Variants in PTCH2 observed in about 807,000 individuals in gnomAD.
PTCH2 encodes patched 2.
Under a neutral mutation model 117.9 loss-of-function variants are expected in PTCH2, and 96 were observed. The observed-to-expected ratio is 0.81, with a 90% CI of 0.69 to 0.96. The LOEUF (loss-of-function observed/expected upper bound fraction) is 0.96. Among genes scored for constraint, PTCH2 ranks in the 50% least tolerant of loss-of-function variants. PTCH2 has a pLI of 0.00. For missense variants in PTCH2, 1,379 were observed against 1,562.5 expected (o/e 0.88, Z 1.98); for synonymous variants, 615 against 660.9 (o/e 0.93, Z 1.06).
rs936212710 is a variant in PTCH2 at position 44,823,104 on chromosome 1, G to A, written c.3322C>T (p.Pro1108Ser). The A allele has an allele frequency of 1.2e-6, 2 of 1,613,766 alleles. No homozygotes were observed. Among genetic ancestry groups the A allele is most frequent in the African/African-American group, 2.7e-5 (2 of 74,910 alleles). The change falls in exon 21 of 22, where the codon CCT becomes TCT. Residue 1108 changes from proline (P) to serine (S), a missense_variant. Coordinates refer to ENST00000372192, the MANE Select transcript of PTCH2 (RefSeq NM_003738.5). The surrounding 1 kb of genome is among the most constrained non-coding windows in gnomAD (Gnocchi z 5.1). ...LGLLHGLVLL[P>S]VLLSILGPPP... ...GGGCCCAGGATGGACAGCAGCACAG[G>A]CAGCAGCACGAGTCCATGGAGGAGG... is the stretch of plus-strand genomic sequence containing the variant.
chr1:44,831,935 C>A lies in PTCH2; in HGVS notation c.525+40G>T, dbSNP rs1168899991. The A allele has an allele frequency of 1.9e-6, 3 of 1,585,386 alleles. No individual in the cohort carries two copies. The highest frequency in any genetic ancestry group is 1.7e-5 in the Admixed American group (1 of 59,954). ...TCGGTCTCTGAGTCCTCCCACGCTA[C>A]AGAAAAAGTTCTGCCTCTACTCCCT... On this transcript the variant is annotated intron_variant, in intron 4 of 21. Transcript: ENST00000372192. This position sits in a 1 kb window ranked among gnomAD's most constrained non-coding sequence, Gnocchi z 4.3.
chr1:44,822,826 T>C (rs1025032919), intron 21 of PTCH2, among the ~76,000 whole-genome samples, 157 bp from the exon 22 acceptor site: 3 of 152,138 alleles, frequency 2.0e-5, no homozygotes, highest in African/African-American at 7.2e-5. Flanking sequence ...TGTTGAGGCC[T>C]GGGGCAAACC....
At chr1:44,819,851 G>A (rs530908612), downstream of PTCH2, 15 of 153,100 alleles carry the variant, frequency 9.8e-5, no homozygotes, top group African/African-American at 1.4e-4. Context: ...TTCCTTGGTT[G>A]TAGTTGCCTA....
At position 44,822,389 on chromosome 1, in the gene PTCH2, A is replaced by G. The variant is rs372938290; in HGVS notation, c.*26T>C. 7.4e-6 allele frequency: 12 copies of G among 1,613,038 alleles called. No individual in the cohort carries two copies. Among genetic ancestry groups the G allele is most frequent in the Non-Finnish European group, 1.0e-5 (12 of 1,180,010 alleles). On this transcript the variant is annotated 3_prime_UTR_variant, in exon 22 of 22. Coordinates refer to ENST00000372192, the MANE Select transcript of PTCH2 (RefSeq NM_003738.5). Reference sequence around the variant, plus strand: ...CCCAGTGACCCCACACGCCCCACACATGGTCTCTGTGCTTCAGCTGCTCTT... The same window carrying G: ...CCCAGTGACCCCACACGCCCCACACGTGGTCTCTGTGCTTCAGCTGCTCTT...
intron 2 of PTCH2, among the ~76,000 whole-genome samples, chr1:44,837,627 T>C (rs1653744859): frequency 6.6e-6 from 1 of 152,184 alleles, no homozygotes; most frequent in African/African-American, 2.4e-5. Flanking sequence ...CTTGAATTCC[T>C]GGGCTCAGTC....
At position 44,843,048 on chromosome 1, in the gene PTCH2, A is replaced by C; in HGVS notation, c.-116T>G. On this transcript the variant is annotated 5_prime_UTR_variant, in exon 1 of 22. Coordinates refer to ENST00000372192, the MANE Select transcript of PTCH2 (RefSeq NM_003738.5). ...CGCGTAGGGATTCAGTGGGGCCGCC[A>C]AGGCGCGGGCGTGGGAGAGACTGTG... 4 of 1,425,440 alleles carry C rather than the reference A, an allele frequency of 2.8e-6. No individual in the cohort carries two copies. The highest frequency in any genetic ancestry group is 2.7e-6 in the Non-Finnish European group (3 of 1,093,504). 88.3% of individuals were successfully genotyped at this position (1,425,440 alleles called of 1,614,324 possible).
rs367706281 is a variant in PTCH2 at position 44,831,813 on chromosome 1, C to T, written c.526-16G>A. 2.8e-4 allele frequency: 458 copies of T among 1,610,682 alleles called. No homozygotes were observed. The highest frequency in any genetic ancestry group is 3.6e-4 in the Non-Finnish European group (430 of 1,178,090). On this transcript the variant is annotated splice_polypyrimidine_tract_variant and intron_variant, in intron 4 of 21. Coordinates refer to ENST00000372192, the MANE Select transcript of PTCH2 (RefSeq NM_003738.5). The surrounding 1 kb of genome is among the most constrained non-coding windows in gnomAD (Gnocchi z 4.3). ...TCTCAATCATCTGCCAGGGATACCC[C>T]GGGCCACGTCAGTCCTGCCCCACAA...
chr1:44,828,572 G>A lies in PTCH2; in HGVS notation c.1524C>T (p.Asn508=). ...TGTSVVLTSI[N]NMAAFLMAAL... ...CAGCCATGAGGAAGGCGGCCATGTT[G>A]TTGATGGATGTGAGTACGACACTGG... The change falls in exon 12 of 22, where the codon AAC becomes AAT. Residue 508 remains asparagine (N), a synonymous_variant. Transcript: ENST00000372192. The A allele has an allele frequency of 1.2e-6, 2 of 1,614,046 alleles. No homozygotes were observed. Among genetic ancestry groups the A allele is most frequent in the Non-Finnish European group, 1.7e-6 (2 of 1,179,960 alleles).
chr1:44,841,202 C>CCA (rs1553166357), intron 2 of PTCH2, among the ~76,000 whole-genome samples: 5 of 149,314 alleles, frequency 3.3e-5, no homozygotes, highest in African/African-American at 4.9e-5. Flanking sequence ...CAACCCCCCC[C>CCA]AAAAAAAAAC....
downstream of PTCH2, chr1:44,820,370 G>A (rs371774515): frequency 1.7e-6 from 1 of 571,708 alleles, no homozygotes; most frequent in South Asian, 1.5e-5. Context: ...TTCGTCCCAG[G>A]GGTTAAGGTC....
chr1:44,831,145 G>T lies in PTCH2; in HGVS notation c.618-102C>A, dbSNP rs188680789. 1.7e-6 allele frequency: 2 copies of T among 1,204,104 alleles called. No individual in the cohort carries two copies. Among genetic ancestry groups the T allele is most frequent in the Non-Finnish European group, 2.3e-6 (2 of 853,382 alleles). The allele number at this position is 1,204,104 out of a possible 1,614,324, so 74.6% of individuals were successfully genotyped here. A position where few individuals can be genotyped will look rare whatever the true frequency, so the allele number is the denominator to read the frequency against. On this transcript the variant is annotated intron_variant, in intron 5 of 21. Coordinates refer to ENST00000372192, the MANE Select transcript of PTCH2 (RefSeq NM_003738.5). The surrounding 1 kb of genome is among the most constrained non-coding windows in gnomAD (Gnocchi z 4.3). Reference sequence around the variant, plus strand: ...GTACCCCACCCTCCTCTTATCTGCCGATTTGTCCTTCCATATGGAGGGTGT... The same window carrying T: ...GTACCCCACCCTCCTCTTATCTGCCTATTTGTCCTTCCATATGGAGGGTGT...
Position 44,823,283 on chromosome 1 carries a change from G to C in PTCH2, c.3217C>G (p.Leu1073Val). The C allele has an allele frequency of 6.2e-7, 1 of 1,614,244 alleles. No individual in the cohort carries two copies. Among genetic ancestry groups the C allele is most frequent in the Non-Finnish European group, 8.5e-7 (1 of 1,180,046 alleles). Reference protein sequence around the residue: ...TDGAISTLLGLLMLAGSHFDF... With the variant: ...TDGAISTLLGVLMLAGSHFDF... Reference sequence around the variant, plus strand: ...AAGTGGGAACCAGCAAGCATGAGCAGACCCAGCAATGTGGAGATGGCCCCA... The same window carrying C: ...AAGTGGGAACCAGCAAGCATGAGCACACCCAGCAATGTGGAGATGGCCCCA... The change falls in exon 20 of 22, where the codon CTG (leucine) becomes GTG (valine). Residue 1073 changes from leucine (L) to valine (V), a missense_variant. By Grantham distance (32) the Leu-to-Val change is conservative. Coordinates refer to ENST00000372192, the MANE Select transcript of PTCH2 (RefSeq NM_003738.5). This position sits in a 1 kb window ranked among gnomAD's most constrained non-coding sequence, Gnocchi z 5.1.
Position 44,830,046 on chromosome 1 carries a change from A to T in PTCH2, c.814-16T>A. 6.2e-7 allele frequency: 1 copy of T among 1,613,772 alleles called. No individual in the cohort carries two copies. The highest frequency in any genetic ancestry group is 8.5e-7 in the Non-Finnish European group (1 of 1,179,876). ...CATTGGGAGCCTGGAGGGGAACAGGAGGGGTTAATGCTCAAGGCCCTGGCC... is the reference window on the plus strand; with the variant it reads ...CATTGGGAGCCTGGAGGGGAACAGGTGGGGTTAATGCTCAAGGCCCTGGCC... On this transcript the variant is annotated splice_polypyrimidine_tract_variant and intron_variant, in intron 6 of 21. Transcript: ENST00000372192.
At chr1:44,842,819 T>C (rs1055767242) in intron 1 of PTCH2, 42 bp downstream of exon 1, 1 of 1,516,694 alleles carries the variant, frequency 6.6e-7, no homozygotes, top group Non-Finnish European at 9.0e-7. Flanking sequence ...GTGACAGACC[T>C]GGCTCCGCTC....
chr1:44,827,205 G>A lies in PTCH2; in HGVS notation c.2476C>T (p.Gln826Ter), dbSNP rs1425503868. The A allele has an allele frequency of 6.2e-7, 1 of 1,614,098 alleles. No individual in the cohort carries two copies. The highest frequency in any genetic ancestry group is 1.1e-5 in the South Asian group (1 of 91,086). ...AGAGGCTCCTGGGCGTCTCCAGTCT[G>A]GATGAGCAGCTTGTAGGCCAGGGCC... ...DGALAYKLLI[Q>*]TGDAQEPLDF... Residue 826 changes from glutamine to a stop codon, truncating the protein, a stop_gained, in exon 16 of 22, where the codon CAG (glutamine) becomes TAG (stop). Transcript: ENST00000372192. LOFTEE classifies it high-confidence loss of function.
At chr1:44,842,144 C>G in intron 1 of PTCH2, 105 bp from the exon 2 acceptor site, 2 of 1,152,984 alleles carry the variant, frequency 1.7e-6, no homozygotes, top group Non-Finnish European at 2.6e-6. Context: ...TTCTTGATTT[C>G]TGGATGTGGG....
rs745445438 is a variant in PTCH2, at chr1:44,826,935, C to T, written c.2662G>A (p.Asp888Asn). Residue 888 changes from aspartate (D) to asparagine (N), a missense_variant, in exon 17 of 22, where the codon GAC (aspartate) becomes AAC (asparagine). Coordinates refer to ENST00000372192, the MANE Select transcript of PTCH2 (RefSeq NM_003738.5). This position sits in a 1 kb window ranked among gnomAD's most constrained non-coding sequence, Gnocchi z 5.1. Reference sequence around the variant, plus strand: ...TTCTCCCCCGTGGTGTCGTATTTGTCGTGCAGCCATTCAGGAGGTGGGGGG... The same window carrying T: ...TTCTCCCCCGTGGTGTCGTATTTGTTGTGCAGCCATTCAGGAGGTGGGGGG... The part of the protein sequence containing the change: ...FYPPPPEWLH[D>N]KYDTTGENLR... The T allele has an allele frequency of 3.5e-5, 57 of 1,614,050 alleles. No individual in the cohort carries two copies. Among genetic ancestry groups the T allele is most frequent in the Admixed American group, 1.0e-4 (6 of 60,024 alleles).
chr1:44,825,778 TG>T (rs1653115785), intron 19 of PTCH2, among the ~76,000 whole-genome samples: 1 of 151,048 alleles, frequency 6.6e-6, no homozygotes. Flanking sequence ...CCGCCTGCCT[TG>T]GCCTCCCAAA....
At chr1:44,821,079 C>G (rs1024707326), downstream of PTCH2, among the ~76,000 whole-genome samples, 3 of 151,964 alleles carry the variant, frequency 2.0e-5, no homozygotes, top group Non-Finnish European at 2.9e-5. Flanking sequence ...GATGTGAGAA[C>G]GCATTGTTCC....
Sources: allele counts gnomAD v4.1 joint callset (sites outside exome capture counted in the v4.1 genomes callset), GRCh38; gene constraint gnomAD v4.1.1; non-coding constraint Gnocchi (gnomAD v3.1); transcripts MANE v1.5; gene names NCBI Gene and HGNC (gene_info 2026-07-23, HGNC 2026-07-21).